The following CYB5RL variants were observed in gnomAD, a reference collection of about 807,000 sequenced individuals.
CYB5RL encodes cytochrome b5 reductase like, also known as NADH-cytochrome b5 reductase-like.
Under a neutral mutation model 37.5 loss-of-function variants are expected in CYB5RL, and 38 were observed. The ratio of observed to expected loss-of-function variants is 1.01; its 90% CI spans 0.78 to 1.33. The LOEUF (loss-of-function observed/expected upper bound fraction) is 1.33, where lower values mean the gene tolerates loss of function less well. Among genes scored for constraint, CYB5RL ranks in the 40% most tolerant of loss-of-function variants. The pLI, the probability that CYB5RL is intolerant of heterozygous loss-of-function variation, is 0.00. For missense variants in CYB5RL, 388 were observed against 394.4 expected, an observed-to-expected ratio of 0.98 and a Z score of 0.14; for synonymous variants, 141 against 151.9, an observed-to-expected ratio of 0.93 and a Z score of 0.53.
In CYB5RL at chr1:54,190,909, G is replaced by C; in HGVS notation, c.199-13C>G. On this transcript the variant is annotated splice_polypyrimidine_tract_variant and intron_variant, in intron 3 of 7. Transcript: ENST00000534324. ...TGGAGGGGCAGCTCTGCAACAGGAAGAGATCCAACAGCTAGAGGCCGGGGC... is the reference window on the plus strand; with the variant it reads ...TGGAGGGGCAGCTCTGCAACAGGAACAGATCCAACAGCTAGAGGCCGGGGC... 1 of 1,609,932 alleles carries C rather than the reference G, an allele frequency of 6.2e-7. No individual in the cohort carries two copies. Among genetic ancestry groups the C allele is most frequent in the African/African-American group, 1.3e-5 (1 of 74,992 alleles).
In CYB5RL at chr1:54,179,459, C is replaced by T. The variant is rs1570100984; in HGVS notation, c.541-107G>A. On this transcript the variant is annotated intron_variant, in intron 6 of 7. Transcript: ENST00000534324. ...GCTTCCTTCAACTGGACGGCAGTGC[C>T]CTTCCTTGGTGTCCAACCACCTATG... The T allele has an allele frequency of 6.8e-6, 8 of 1,171,528 alleles. No individual in the cohort carries two copies. The East Asian group carries it at 1.8e-4, about 26-fold the overall frequency. 72.6% of individuals were successfully genotyped at this position (1,171,528 alleles called of 1,614,324 possible). A position where few individuals can be genotyped will look rare whatever the true frequency, so the allele number is the denominator to read the frequency against.
At chr1:54,186,158 C>T (rs1442374476) in intron 5 of CYB5RL, 1 of 152,388 alleles carries the variant, frequency 6.6e-6, no homozygotes, top group East Asian at 1.9e-4. Flanking sequence ...GAGCCTGGCA[C>T]AGAGTAAATG....
intron 4 of CYB5RL, among the ~76,000 whole-genome samples, chr1:54,189,700 T>C (rs1381877132): frequency 6.6e-6 from 1 of 152,122 alleles, no homozygotes; most frequent in Non-Finnish European, 1.5e-5. Context: ...GGTTCATGGA[T>C]GGAAGGATGC....
At chr1:54,175,942 A>C (rs905360421) in intron 7 of CYB5RL, among the ~76,000 whole-genome samples, 4 of 152,210 alleles carry the variant, frequency 2.6e-5, no homozygotes, top group African/African-American at 9.6e-5. Flanking sequence ...TATAGTCTGA[A>C]GAATTTAAAT....
chr1:54,196,143 C>T (rs894199036), intron 2 of CYB5RL, among the ~76,000 whole-genome samples: 4 of 152,298 alleles, frequency 2.6e-5, no homozygotes, highest in Non-Finnish European at 5.9e-5. Context: ...TGCCAGCTGA[C>T]ACTTTATACA....
intron 7 of CYB5RL, among the ~76,000 whole-genome samples, chr1:54,177,370 G>A (rs1660046453): frequency 6.6e-6 from 1 of 152,132 alleles, no homozygotes; most frequent in African/African-American, 2.4e-5. Context: ...CCAACCCCAG[G>A]CCACTGGCAC....
chr1:54,190,675 T>C (rs1442927436), intron 4 of CYB5RL, 73 bp downstream of exon 4: 1 of 1,541,888 alleles, frequency 6.5e-7, no homozygotes, highest in Non-Finnish European at 8.8e-7. Context: ...GTACGCTAGT[T>C]GGTCAAGGCC....
chr1:54,176,136 G>GGA (rs1445095045), intron 7 of CYB5RL, among the ~76,000 whole-genome samples: 5 of 152,206 alleles, frequency 3.3e-5, no homozygotes, highest in Non-Finnish European at 5.9e-5. Flanking sequence ...ATGATTGTGA[G>GGA]GAGAGTATCC....
chr1:54,182,580 C>G (rs1370556628), intron 6 of CYB5RL, among the ~76,000 whole-genome samples: 1 of 151,642 alleles, frequency 6.6e-6, no homozygotes, highest in Non-Finnish European at 1.5e-5. Flanking sequence ...AACAGAGTCT[C>G]TCTCTGCCAC....
rs6690858 is a variant in CYB5RL, at chr1:54,172,242, C to T, written c.*2377G>A. 0.77 allele frequency: 117,080 copies of T among 151,762 alleles called. 45,361 individuals carry two copies. The highest frequency in any genetic ancestry group is 0.99 in the East Asian group (5,106 of 5,156). The allele number at this position is 151,762 out of a possible 1,614,324, so 9.4% of individuals were successfully genotyped here. A position where few individuals can be genotyped will look rare whatever the true frequency, so the allele number is the denominator to read the frequency against. On this transcript the variant is annotated 3_prime_UTR_variant, in exon 8 of 8. Coordinates refer to ENST00000534324, the MANE Select transcript of CYB5RL (RefSeq NM_001031672.4). ...AGTGCAGTGGCTCAATCACAGCTCA[C>T]TGTAGCCTCGACCTCCTTGGCTCAA...
intron 7 of CYB5RL, among the ~76,000 whole-genome samples, chr1:54,178,509 G>A (rs748525175): frequency 2.6e-5 from 4 of 152,316 alleles, no homozygotes; most frequent in Non-Finnish European, 5.9e-5. Flanking sequence ...CCCCAGAAGG[G>A]TTACCTGAGT....
Position 54,179,390 on chromosome 1 carries a change from GGA to G in CYB5RL, c.541-40_541-39del, listed in dbSNP as rs748852715. On this transcript the variant is annotated intron_variant, in intron 6 of 7. Transcript: ENST00000534324. The stretch of plus-strand genomic sequence containing the variant: ...AGGGGTATGTATGACAGGTGGGTTG[GGA>G]GAGTCTCACCTTATCCCCTCTACTA... The G allele has an allele frequency of 6.3e-6, 10 of 1,585,594 alleles. No individual in the cohort carries two copies. The African/African-American group carries it at 1.3e-4, about 21-fold the overall frequency.
chr1:54,184,576 T>C (rs1325883869), intron 5 of CYB5RL: 1 of 226,096 alleles, frequency 4.4e-6, no homozygotes, highest in Non-Finnish European at 8.6e-6. Context: ...AAGAACTGGG[T>C]GATGATTAAT....
intron 3 of CYB5RL, among the ~76,000 whole-genome samples, chr1:54,191,487 C>T (rs1396036317): frequency 1.3e-5 from 2 of 152,190 alleles, no homozygotes; most frequent in African/African-American, 4.8e-5. Flanking sequence ...ACACTGTAGA[C>T]AAAAATTCAA....
intron 6 of CYB5RL, chr1:54,180,097 CG>C (rs1557719512): frequency 6.8e-6 from 3 of 438,204 alleles, no homozygotes; most frequent in Non-Finnish European, 1.4e-5. Flanking sequence ...ATTAGCCAAG[CG>C]TGGTGGTGCA....
rs1308860143 is a variant in CYB5RL at position 54,195,654 on chromosome 1, G to T, written c.-38C>A. The T allele has an allele frequency of 7.0e-6, 11 of 1,568,304 alleles. No homozygotes were observed. The highest frequency in any genetic ancestry group is 1.3e-5 in the African/African-American group (1 of 74,328). On this transcript the variant is annotated 5_prime_UTR_variant, in exon 3 of 8. Coordinates refer to ENST00000534324, the MANE Select transcript of CYB5RL (RefSeq NM_001031672.4). ...GGCAGCCTAGAAGGAACAACTGGGT[G>T]CTCTTCCAGAACAGGCCAGGCTCTA... is the stretch of plus-strand genomic sequence containing the variant.
rs747320693 is a variant in CYB5RL at position 54,179,274 on chromosome 1, C to CA, written c.618dup (p.Glu207Ter). The CA allele has an allele frequency of 1.2e-6, 2 of 1,613,908 alleles. No individual in the cohort carries two copies. The highest frequency in any genetic ancestry group is 2.2e-5 in the South Asian group (2 of 91,032). On this transcript the variant is annotated frameshift_variant, in exon 7 of 8. Coordinates refer to ENST00000534324, the MANE Select transcript of CYB5RL (RefSeq NM_001031672.4). LOFTEE classifies it high-confidence loss of function. ...AGAGTGACAAAAGTCTCGTCATTCT[C>CA]ATTGTCTGTGATGCTCTGCAGGATA...
intron 7 of CYB5RL, chr1:54,175,420 G>C (rs1659996932): frequency 3.5e-6 from 1 of 284,284 alleles, no homozygotes; most frequent in Non-Finnish European, 7.2e-6. Context: ...GCATTCCAAG[G>C]CTGGACGGTG....
At chr1:54,177,414 A>G (rs1393787627) in intron 7 of CYB5RL, among the ~76,000 whole-genome samples, 1 of 152,090 alleles carries the variant, frequency 6.6e-6, no homozygotes, top group Non-Finnish European at 1.5e-5. Context: ...AAAATCTTCT[A>G]TTGCTGGTGA....
Sources: gnomAD v4.1 joint callset for allele counts (sites outside exome capture counted in the v4.1 genomes callset) on GRCh38, gnomAD v4.1.1 for gene constraint, MANE v1.5 for transcripts, NCBI Gene and HGNC (gene_info 2026-07-23, HGNC 2026-07-21) for gene names.